PPFIA3: variants seen among roughly 807,000 people sequenced by gnomAD.
PPFIA3 encodes the protein liprin-alpha-3.
A neutral mutation model predicts 145.8 loss-of-function variants in PPFIA3; 26 were observed. That is an observed-to-expected ratio of 0.18 (90% CI 0.13 to 0.25). PPFIA3 has a LOEUF of 0.25. PPFIA3 is among the 10% of genes least tolerant of loss of function. The pLI is 1.00. For missense variants in PPFIA3, 1,008 were observed against 1,587.8 expected (o/e 0.63, Z 6.21); for synonymous variants, 645 against 661.4 (o/e 0.98, Z 0.38).
rs759530491 is a variant in PPFIA3, at chr19:49,142,798, C to A, written c.2545-6C>A. The A allele has an allele frequency of 6.2e-7, 1 of 1,612,990 alleles. No homozygotes were observed. The highest frequency in any genetic ancestry group is 2.2e-5 in the East Asian group (1 of 44,836). ...TCCCCTCTGTCCCTCTGTCCCTCCG[C>A]TGCAGCTGTGGGTGGGCATGCCTGC... On this transcript the variant is annotated splice_region_variant and splice_polypyrimidine_tract_variant and intron_variant, in intron 20 of 29. Coordinates refer to ENST00000334186, the MANE Select transcript of PPFIA3 (RefSeq NM_003660.4).
Position 49,120,164 on chromosome 19 carries a change from G to T in PPFIA3, c.-16+442G>T, listed in dbSNP as rs2040918052. 6.6e-6 allele frequency among the ~76,000 whole-genome samples: 1 copy of T among 152,076 alleles called. No individual in the cohort carries two copies. Among genetic ancestry groups the T allele is most frequent in the African/African-American group, 2.4e-5 (1 of 41,420 alleles). ...TCCCACGGTCCAGGCAGGCTCGGCG[G>T]CCGCCCTGGACACAGGCCCGCTCTG... On this transcript the variant is annotated intron_variant, in intron 1 of 29. Transcript: ENST00000334186. The surrounding 1 kb of genome is among the most constrained non-coding windows in gnomAD (Gnocchi z 4.6).
At position 49,142,031 on chromosome 19, in the gene PPFIA3, C is replaced by A; in HGVS notation, c.2463-3C>A. ...TTCTATCCTGGCCCCTTCACCCTTA[C>A]AGGCATGAACTCCTGGAGGAGGCCT... is the stretch of plus-strand genomic sequence containing the variant. On this transcript the variant is annotated splice_polypyrimidine_tract_variant and splice_region_variant and intron_variant, in intron 19 of 29. Coordinates refer to ENST00000334186, the MANE Select transcript of PPFIA3 (RefSeq NM_003660.4). 1 of 1,562,788 alleles carries A rather than the reference C, an allele frequency of 6.4e-7. No individual in the cohort carries two copies. The highest frequency in any genetic ancestry group is 8.7e-7 in the Non-Finnish European group (1 of 1,152,876).
chr19:49,128,336 G>T lies in PPFIA3; in HGVS notation c.241-31G>T. 2 of 1,607,482 alleles carry T rather than the reference G, an allele frequency of 1.2e-6. No individual in the cohort carries two copies. Among genetic ancestry groups the T allele is most frequent in the Non-Finnish European group, 8.5e-7 (1 of 1,174,002 alleles). On this transcript the variant is annotated intron_variant, in intron 2 of 29. Coordinates refer to ENST00000334186, the MANE Select transcript of PPFIA3 (RefSeq NM_003660.4). The surrounding 1 kb of genome is among the most constrained non-coding windows in gnomAD (Gnocchi z 4.1). ...AAGGAGACAGGGAAAGGATTGAGCC[G>T]AATGTCCAGATCCTGCCAATGTCTG...
rs1386592935 is a variant in PPFIA3, at chr19:49,150,932, G to T, written c.*710G>T. 1 of 215,138 alleles carries T rather than the reference G, an allele frequency of 4.6e-6. No homozygotes were observed. Among genetic ancestry groups the T allele is most frequent in the Non-Finnish European group, 9.2e-6 (1 of 108,778 alleles). 13.3% of individuals were successfully genotyped at this position (215,138 alleles called of 1,614,324 possible). On this transcript the variant is annotated 3_prime_UTR_variant, in exon 30 of 30. Transcript: ENST00000334186. ...CTGGGCGACGTGGCGTGGGGGCAGGGGGACGGTGGGGGAGCCCTCGCCCCC... is the reference window on the plus strand; with the variant it reads ...CTGGGCGACGTGGCGTGGGGGCAGGTGGACGGTGGGGGAGCCCTCGCCCCC...
chr19:49,140,200 G>A, intron 18 of PPFIA3, 112 bp downstream of exon 18: 5 of 1,336,358 alleles, frequency 3.7e-6, no homozygotes, highest in South Asian at 1.4e-5. Context: ...CATTCATTTG[G>A]TGATTTATTT....
At chr19:49,145,051 C>A (rs1407220120) in intron 21 of PPFIA3, among the ~76,000 whole-genome samples, 1 of 151,776 alleles carries the variant, frequency 6.6e-6, no homozygotes, top group African/African-American at 2.4e-5. Flanking sequence ...CTGCCTCAGC[C>A]TCCTGAGTAG....
chr19:49,137,111 AC>A (rs1456048804), intron 15 of PPFIA3, 200 bp downstream of exon 15: 2 of 460,218 alleles, frequency 4.3e-6, no homozygotes, highest in Non-Finnish European at 7.6e-6. Context: ...CTACACATAT[AC>A]CCCCCAGCCA....
intron 23 of PPFIA3, 28 bp from the exon 24 acceptor site, chr19:49,148,055 C>G: frequency 1.3e-6 from 2 of 1,596,330 alleles, no homozygotes; most frequent in Non-Finnish European, 1.7e-6. Context: ...GAGGGCCTGA[C>G]TCTTCCCTCA....
chr19:49,145,772 G>T (rs2041272573), intron 21 of PPFIA3, 171 bp from the exon 22 acceptor site: 8 of 649,222 alleles, frequency 1.2e-5, no homozygotes, highest in South Asian at 1.8e-5. Flanking sequence ...ACATTGCCTG[G>T]TACATGGCAG....
At position 49,150,652 on chromosome 19, in the gene PPFIA3, G is replaced by T. The variant is rs1254181522; in HGVS notation, c.*430G>T. On this transcript the variant is annotated 3_prime_UTR_variant, in exon 30 of 30. Coordinates refer to ENST00000334186, the MANE Select transcript of PPFIA3 (RefSeq NM_003660.4). Reference sequence around the variant, plus strand: ...TCTTCCTTCTTCGTCCGAAAGGAGGGGAGGGGGGACTCGCTGCTACAAGCC... The same window carrying T: ...TCTTCCTTCTTCGTCCGAAAGGAGGTGAGGGGGGACTCGCTGCTACAAGCC... 1 of 153,886 alleles carries T rather than the reference G, an allele frequency of 6.5e-6. No homozygotes were observed. The highest frequency in any genetic ancestry group is 1.9e-4 in the East Asian group (1 of 5,182). The allele number at this position is 153,886 out of a possible 1,614,324, so 9.5% of individuals were successfully genotyped here. A position where few individuals can be genotyped will look rare whatever the true frequency, so the allele number is the denominator to read the frequency against.
chr19:49,138,369 G>T lies in PPFIA3; in HGVS notation c.2018G>T (p.Gly673Val), dbSNP rs1432388325. Residue 673 changes from glycine (G) to valine (V), a missense_variant, in exon 16 of 30, where the codon GGC becomes GTC. Gly to Val is a moderately radical substitution (Grantham distance 109). This residue lies in a region of PPFIA3 where 202 missense variants were observed against 241.8 expected (regional missense o/e 0.84). Coordinates refer to ENST00000334186, the MANE Select transcript of PPFIA3 (RefSeq NM_003660.4). ...TLASPSPPSSGHSTPRLAPPS... is the reference protein window; with the variant it reads ...TLASPSPPSSVHSTPRLAPPS... ...GCCAGCCCCTCCCCTCCCAGCTCTGGCCACTCAACACCCCGCCTGGCACCC... is the reference window on the plus strand; with the variant it reads ...GCCAGCCCCTCCCCTCCCAGCTCTGTCCACTCAACACCCCGCCTGGCACCC... 1 of 1,602,130 alleles carries T rather than the reference G, an allele frequency of 6.2e-7. No individual in the cohort carries two copies. The highest frequency in any genetic ancestry group is 8.5e-7 in the Non-Finnish European group (1 of 1,173,752).
chr19:49,139,622 C>A, intron 16 of PPFIA3, 46 bp from the exon 17 acceptor site: 1 of 1,519,140 alleles, frequency 6.6e-7, no homozygotes, highest in Non-Finnish European at 8.8e-7. Context: ...GAGCCCCCGA[C>A]ATGACTCTTT....
chr19:49,134,552 C>A, intron 11 of PPFIA3, 87 bp from the exon 12 acceptor site: 1 of 1,252,136 alleles, frequency 8.0e-7, no homozygotes. Context: ...TCCCCTCAGG[C>A]CTGTCTGTGT....
Position 49,149,784 on chromosome 19 carries a change from T to A in PPFIA3, c.3526+66T>A. The A allele has an allele frequency of 6.6e-7, 1 of 1,520,908 alleles. No homozygotes were observed. Among genetic ancestry groups the A allele is most frequent in the Non-Finnish European group, 8.8e-7 (1 of 1,133,784 alleles). The allele number at this position is 1,520,908 out of a possible 1,614,324, so 94.2% of individuals were successfully genotyped here. ...TAGGGTGGGGCATGGACCACCTCAG[T>A]AGTCCGGGTTCTGGAATGGCCTAGT... On this transcript the variant is annotated intron_variant, in intron 28 of 29. Transcript: ENST00000334186. This position sits in a 1 kb window ranked among gnomAD's most constrained non-coding sequence, Gnocchi z 5.7.
At chr19:49,139,887 G>T (rs1050141319) in intron 17 of PPFIA3, 56 bp downstream of exon 17, 1 of 1,611,988 alleles carries the variant, frequency 6.2e-7, no homozygotes, top group Non-Finnish European at 8.5e-7. Flanking sequence ...AGATGAGAAG[G>T]GGGTGGACAA....
rs963588591 is a variant in PPFIA3 at position 49,120,814 on chromosome 19, G to A, written c.-16+1092G>A. ...CCCAGGAGTTCAGACCCCAGCTTCC[G>A]TACTGCCCACCAGCTTTTACTGAGG... On this transcript the variant is annotated intron_variant, in intron 1 of 29. Transcript: ENST00000334186. This position sits in a 1 kb window ranked among gnomAD's most constrained non-coding sequence, Gnocchi z 4.6. Among the ~76,000 whole-genome samples, 1 of 152,084 alleles carries A rather than the reference G, an allele frequency of 6.6e-6. No individual in the cohort carries two copies. The highest frequency in any genetic ancestry group is 1.5e-5 in the Non-Finnish European group (1 of 68,010).
intron 16 of PPFIA3, among the ~76,000 whole-genome samples, chr19:49,138,776 C>A (rs945480086): frequency 5.3e-5 from 8 of 152,158 alleles, no homozygotes; most frequent in African/African-American, 1.9e-4. Context: ...TCGAGACCCA[C>A]CTGGCCAACA....
Position 49,128,194 on chromosome 19 carries a change from G to T in PPFIA3, c.240+81G>T, listed in dbSNP as rs1339738816. 7 of 1,467,596 alleles carry T rather than the reference G, an allele frequency of 4.8e-6. No individual in the cohort carries two copies. Among genetic ancestry groups the T allele is most frequent in the Middle Eastern group, 2.4e-4 (1 of 4,240 alleles). The allele number at this position is 1,467,596 out of a possible 1,614,324, so 90.9% of individuals were successfully genotyped here. On this transcript the variant is annotated intron_variant, in intron 2 of 29. Coordinates refer to ENST00000334186, the MANE Select transcript of PPFIA3 (RefSeq NM_003660.4). This position sits in a 1 kb window ranked among gnomAD's most constrained non-coding sequence, Gnocchi z 4.1. ...CGGTCCGGAAGGGGCCGGGCTTGGC[G>T]CCTGGAAGGGAGGAGTCTGGGCGAG...
chr19:49,122,360 G>A (rs556927005), intron 1 of PPFIA3, among the ~76,000 whole-genome samples: 55 of 152,304 alleles, frequency 3.6e-4, no homozygotes, highest in Admixed American at 1.3e-3. Flanking sequence ...GGGATTATAG[G>A]CGTGAGCCAC....
Sources: allele counts gnomAD v4.1 joint callset (sites outside exome capture counted in the v4.1 genomes callset), GRCh38; gene constraint gnomAD v4.1.1; regional missense constraint gnomAD v4.1.1; non-coding constraint Gnocchi (gnomAD v3.1); transcripts MANE v1.5; gene names NCBI Gene and HGNC (gene_info 2026-07-23, HGNC 2026-07-21).